The following RANBP2 variants were observed in gnomAD, a reference collection of about 807,000 sequenced individuals.
RANBP2 encodes E3 SUMO-protein ligase RanBP2.
A neutral mutation model predicts 303.6 loss-of-function variants in RANBP2; 57 were observed. The ratio of observed to expected loss-of-function variants is 0.19; its 90% CI spans 0.15 to 0.23. The LOEUF is 0.23. RANBP2 is among the 10% of genes least tolerant of loss of function. The pLI is 1.00. For synonymous variants in RANBP2, 1,167 were observed against 1,301.5 expected (o/e 0.90, Z 2.23); for missense variants, 3,138 against 3,780.8 (o/e 0.83, Z 4.46).
At chr2:108,810,946 A>G in the RANBP2 span, among the ~76,000 whole-genome samples, 1 of 151,940 alleles carries the variant, frequency 6.6e-6, no homozygotes. Context: ...CATTTCCTCT[A>G]GGTTTTCCGG....
chr2:109,194,132 G>A, the RANBP2 span, among the ~76,000 whole-genome samples: 3 of 152,260 alleles, frequency 2.0e-5, no homozygotes, highest in African/African-American at 7.2e-5. Context: ...TGCTGTTGAT[G>A]GAGTCACTGT....
the RANBP2 span, chr2:109,758,701 G>C: frequency 6.7e-6 from 1 of 150,058 alleles, no homozygotes; most frequent in Non-Finnish European, 1.5e-5. Flanking sequence ...TTTTCAGTCT[G>C]AACACACAGT....
At chr2:109,369,647 G>A in the RANBP2 span, among the ~76,000 whole-genome samples, 1 of 152,192 alleles carries the variant, frequency 6.6e-6, no homozygotes, top group Non-Finnish European at 1.5e-5. Context: ...TTGTTCTCCT[G>A]GGAGAGGGCG....
the RANBP2 span, among the ~76,000 whole-genome samples, chr2:109,021,646 C>T: frequency 1.3e-5 from 2 of 151,626 alleles, no homozygotes; most frequent in African/African-American, 2.4e-5. Flanking sequence ...GTATGGGCAT[C>T]GACAGACGTT....
chr2:109,098,869 C>T, the RANBP2 span, among the ~76,000 whole-genome samples: 1 of 152,192 alleles, frequency 6.6e-6, no homozygotes, highest in South Asian at 2.1e-4. Context: ...GGCTGCCCTC[C>T]AATCTCAAAT....
At chr2:108,794,233 G>A in the RANBP2 span, among the ~76,000 whole-genome samples, 1 of 151,988 alleles carries the variant, frequency 6.6e-6, no homozygotes, top group Non-Finnish European at 1.5e-5. Context: ...CATGATTAGG[G>A]GCTTTTAAGG....
rs894706334 is a variant in RANBP2, at chr2:108,738,080, A to G, written c.782+1831A>G. On this transcript the variant is annotated intron_variant, in intron 6 of 28. Coordinates refer to ENST00000283195, the MANE Select transcript of RANBP2 (RefSeq NM_006267.5). Reference sequence around the variant, plus strand: ...TCATCATGTTGGCCAGGTTGGTCTCAATCTTTTTTTTTTGAGACGGAGTCT... The same window carrying G: ...TCATCATGTTGGCCAGGTTGGTCTCGATCTTTTTTTTTTGAGACGGAGTCT... 5.8e-5 allele frequency among the ~76,000 whole-genome samples: 8 copies of G among 137,042 alleles called. No individual in the cohort carries two copies. In the South Asian group the frequency reaches 9.3e-4, roughly 16 times the overall value. 89.9% of individuals were successfully genotyped at this position (137,042 alleles called of 152,430 possible).
the RANBP2 span, among the ~76,000 whole-genome samples, chr2:109,068,907 A>G: frequency 6.6e-6 from 1 of 152,122 alleles, no homozygotes; most frequent in Non-Finnish European, 1.5e-5. Context: ...AAATGGAAAA[A>G]CCAATTGATT....
At position 108,751,514 on chromosome 2, in the gene RANBP2, C is replaced by T. The variant is rs543000576; in HGVS notation, c.1456-14C>T. On this transcript the variant is annotated splice_polypyrimidine_tract_variant and intron_variant, in intron 10 of 28. Coordinates refer to ENST00000283195, the MANE Select transcript of RANBP2 (RefSeq NM_006267.5). ...AATTTTTTTTCTAACTTAACTTTTC[C>T]TTAAATAAAACAGGTATTTCTCCTT... 5.3e-5 allele frequency: 86 copies of T among 1,611,254 alleles called. 2 individuals are homozygous for T. The South Asian group carries it at 9.1e-4, about 17-fold the overall frequency.
the RANBP2 span, among the ~76,000 whole-genome samples, chr2:109,407,741 A>G: frequency 9.8e-6 from 1 of 101,832 alleles, no homozygotes; most frequent in African/African-American, 4.4e-5. Flanking sequence ...TGAGCCTGGG[A>G]TGAATAAAAA....
chr2:109,189,225 G>A, the RANBP2 span, among the ~76,000 whole-genome samples: 1 of 152,024 alleles, frequency 6.6e-6, no homozygotes, highest in South Asian at 2.1e-4. Flanking sequence ...GCTCTGGTGT[G>A]TTCAGAAGGA....
chr2:109,574,727 C>A, the RANBP2 span: 1 of 1,600,060 alleles, frequency 6.2e-7, no homozygotes, highest in Non-Finnish European at 8.5e-7. Context: ...TGGAGATAGG[C>A]CTCAAACTGA....
the RANBP2 span, among the ~76,000 whole-genome samples, chr2:109,445,848 C>T: frequency 2.0e-5 from 3 of 152,016 alleles, no homozygotes; most frequent in Admixed American, 1.3e-4. Context: ...GCTGGTGATG[C>T]AATAGATCAT....
At chr2:109,485,107 A>T in the RANBP2 span, among the ~76,000 whole-genome samples, 1 of 152,304 alleles carries the variant, frequency 6.6e-6, no homozygotes. Flanking sequence ...TAACTTTGCA[A>T]ATTGAGTCCC....
the RANBP2 span, among the ~76,000 whole-genome samples, chr2:109,719,263 AT>A: frequency 1.4e-5 from 2 of 147,950 alleles, no homozygotes; most frequent in Admixed American, 6.8e-5. Context: ...CACCCGGCTA[AT>A]TTTTTTTGTA....
chr2:108,934,966 A>G, the RANBP2 span, among the ~76,000 whole-genome samples: 1 of 152,226 alleles, frequency 6.6e-6, no homozygotes, highest in African/African-American at 2.4e-5. Context: ...GATCCAGTTC[A>G]GGGGTTGTGA....
the RANBP2 span, among the ~76,000 whole-genome samples, chr2:109,227,971 G>A: frequency 6.6e-6 from 1 of 152,156 alleles, no homozygotes; most frequent in Non-Finnish European, 1.5e-5. Flanking sequence ...GGCTCAAGGG[G>A]CATGGGATTT....
chr2:108,828,003 A>G, the RANBP2 span, among the ~76,000 whole-genome samples: 1 of 152,138 alleles, frequency 6.6e-6, no homozygotes, highest in African/African-American at 2.4e-5. Context: ...GAACGTGACC[A>G]CAAAAACAGA....
chr2:109,045,393 C>T, the RANBP2 span, among the ~76,000 whole-genome samples: 26 of 152,190 alleles, frequency 1.7e-4, no homozygotes, highest in Admixed American at 3.3e-4. Flanking sequence ...ACCCTTTTCC[C>T]GTAAGAGCTG....
Sources: gnomAD v4.1 joint callset for allele counts (sites outside exome capture counted in the v4.1 genomes callset) on GRCh38, gnomAD v4.1.1 for gene constraint, MANE v1.5 for transcripts, NCBI Gene and HGNC (gene_info 2026-07-23, HGNC 2026-07-21) for gene names.